CASZ1: variants seen among roughly 807,000 people sequenced by gnomAD.
The protein encoded by CASZ1 is castor zinc finger 1.
Under a neutral mutation model 135.2 loss-of-function variants are expected in CASZ1, and 28 were observed. The ratio of observed to expected loss-of-function variants is 0.21; its 90% CI spans 0.15 to 0.28. The LOEUF (loss-of-function observed/expected upper bound fraction) is 0.28, where lower values mean the gene tolerates loss of function less well. Among genes scored for constraint, CASZ1 ranks in the 10% least tolerant of loss-of-function variants. The pLI, the probability that CASZ1 is intolerant of heterozygous loss-of-function variation, is 1.00. For missense variants in CASZ1, 2,161 were observed against 2,453.3 expected (o/e 0.88, Z 2.52); for synonymous variants, 1,068 against 1,073.4 (o/e 0.99, Z 0.10).
At chr1:10,683,720 G>A (rs969717952) in intron 4 of CASZ1, among the ~76,000 whole-genome samples, 5 of 152,106 alleles carry the variant, frequency 3.3e-5, no homozygotes, top group African/African-American at 9.7e-5. Context: ...CCTCCCCTGC[G>A]GACAGATGGG....
Position 10,656,696 on chromosome 1 carries a change from A to G in CASZ1, c.1450T>C (p.Tyr484His), listed in dbSNP as rs144195827. The G allele has an allele frequency of 3.1e-5, 49 of 1,603,794 alleles. No homozygotes were observed. The highest frequency in any genetic ancestry group is 4.0e-5 in the Non-Finnish European group (47 of 1,176,190). The change falls in exon 8 of 21, where the codon TAC becomes CAC. Residue 484 changes from tyrosine to histidine, a missense_variant. Physicochemically the swap from Tyr to His is moderately conservative, Grantham distance 83. Transcript: ENST00000377022. ...SQHCGHIHCA[Y>H]QYREHYHCLD... Reference sequence around the variant, plus strand: ...CAGTGGTAGTGCTCGCGGTACTGGTAGGCACAGTGGATGTGGCCACAGTGC... The same window carrying G: ...CAGTGGTAGTGCTCGCGGTACTGGTGGGCACAGTGGATGTGGCCACAGTGC...
At chr1:10,681,004 G>A (rs1349888630) in intron 4 of CASZ1, among the ~76,000 whole-genome samples, 2 of 152,088 alleles carry the variant, frequency 1.3e-5, no homozygotes, top group African/African-American at 4.8e-5. Context: ...GGATTCAAGC[G>A]ATTCTCCTGC....
intron 1 of CASZ1, among the ~76,000 whole-genome samples, chr1:10,771,595 A>G (rs574534297): frequency 2.6e-5 from 4 of 152,136 alleles, no homozygotes; most frequent in Non-Finnish European, 4.4e-5. Flanking sequence ...GTAGACTTTT[A>G]AAATGGAGGC....
chr1:10,660,511 G>A lies in CASZ1; in HGVS notation c.531C>T (p.Tyr177=), dbSNP rs1395362341. ...ASGEASSLRD[Y]AASTMTEFLG... ...GGAACTCGGTCATGGTGGAGGCCGCGTAGTCCCGCAGCGAGGAGGCCTCTC... is the reference window on the plus strand; with the variant it reads ...GGAACTCGGTCATGGTGGAGGCCGCATAGTCCCGCAGCGAGGAGGCCTCTC... Residue 177 remains tyrosine (Y), a synonymous_variant, in exon 6 of 21, where the codon TAC becomes TAT. Transcript: ENST00000377022. The A allele has an allele frequency of 9.3e-6, 15 of 1,613,506 alleles. No individual in the cohort carries two copies. Among genetic ancestry groups the A allele is most frequent in the Admixed American group, 3.3e-5 (2 of 60,016 alleles).
intron 2 of CASZ1, among the ~76,000 whole-genome samples, chr1:10,737,313 G>A (rs1029764359): frequency 4.6e-5 from 7 of 152,154 alleles, no homozygotes; most frequent in South Asian, 2.1e-4. Context: ...CCTCACCCTC[G>A]TGGGCCCTCC....
At position 10,762,640 on chromosome 1, in the gene CASZ1, C is replaced by T. The variant is rs956086991; in HGVS notation, c.-233-1783G>A. On this transcript the variant is annotated intron_variant, in intron 1 of 20. Coordinates refer to ENST00000377022, the MANE Select transcript of CASZ1 (RefSeq NM_001079843.3). The surrounding 1 kb of genome is among the most constrained non-coding windows in gnomAD (Gnocchi z 4.1). ...CTCCATCTGCTGGGGGTCTCCACTCCAATATCCCATCAGAACGAACCCACC... is the reference window on the plus strand; with the variant it reads ...CTCCATCTGCTGGGGGTCTCCACTCTAATATCCCATCAGAACGAACCCACC... 5.3e-5 allele frequency among the ~76,000 whole-genome samples: 8 copies of T among 152,276 alleles called. No individual in the cohort carries two copies. The highest frequency in any genetic ancestry group is 1.9e-4 in the East Asian group (1 of 5,176).
At chr1:10,795,024 AAGAG>A (rs1190798041) in intron 1 of CASZ1, among the ~76,000 whole-genome samples, 1 of 151,996 alleles carries the variant, frequency 6.6e-6, no homozygotes, top group Non-Finnish European at 1.5e-5. Flanking sequence ...TGGCTTCGGA[AAGAG>A]AGAGAAAGAA....
At chr1:10,642,759 A>C in intron 20 of CASZ1, 100 bp downstream of exon 20, 1 of 1,367,918 alleles carries the variant, frequency 7.3e-7, no homozygotes. Context: ...TCCTCCTCGG[A>C]GGCCGCGTGC....
rs765938392 is a variant in CASZ1, at chr1:10,649,265, C to T, written c.3035+18G>A. On this transcript the variant is annotated intron_variant, in intron 14 of 20. Transcript: ENST00000377022. ...GGTGCGGGGGGACGATGGGTGGACG[C>T]GGCCAGCAGCCCCTCACCTGCGCAG... 21 of 1,601,800 alleles carry T rather than the reference C, an allele frequency of 1.3e-5. No individual in the cohort carries two copies. Among genetic ancestry groups the T allele is most frequent in the Middle Eastern group, 1.6e-4 (1 of 6,062 alleles).
intron 4 of CASZ1, among the ~76,000 whole-genome samples, chr1:10,678,211 T>A (rs1169106316): frequency 6.6e-6 from 1 of 152,128 alleles, no homozygotes; most frequent in Non-Finnish European, 1.5e-5. Flanking sequence ...CTGCAGCCCG[T>A]CTCCACAATC....
rs540284119 is a variant in CASZ1, at chr1:10,760,281, C to T, written c.-77+420G>A. ...GAACTACTGTCCAGCCCTTCTAAGA[C>T]GAAGTTCCAACCTAATGCTTAGATC... On this transcript the variant is annotated intron_variant, in intron 2 of 20. Transcript: ENST00000377022. Among the ~76,000 whole-genome samples the T allele has an allele frequency of 9.8e-5, 15 of 152,352 alleles. No individual in the cohort carries two copies. In the South Asian group the frequency reaches 2.7e-3, roughly 27 times the overall value.
At chr1:10,778,206 CACA>C (rs946587144) in intron 1 of CASZ1, among the ~76,000 whole-genome samples, 1 of 151,578 alleles carries the variant, frequency 6.6e-6, no homozygotes, top group African/African-American at 2.4e-5. Flanking sequence ...CACTCTCACA[CACA>C]ACCACAATCA....
chr1:10,693,756 G>GCCCCA, intron 4 of CASZ1, 118 bp downstream of exon 4: 1 of 482,652 alleles, frequency 2.1e-6, no homozygotes, highest in Non-Finnish European at 4.1e-6. Flanking sequence ...GCAGCCGCCC[G>GCCCCA]ACCCTCCCGG....
At chr1:10,702,338 A>G (rs2100435126) in intron 3 of CASZ1, among the ~76,000 whole-genome samples, 1 of 152,316 alleles carries the variant, frequency 6.6e-6, no homozygotes, top group East Asian at 1.9e-4. Context: ...ACTGGCTCAG[A>G]GGCCAGTGAA....
intron 15 of CASZ1, 155 bp from the exon 16 acceptor site, chr1:10,648,294 G>A: frequency 1.7e-6 from 1 of 593,494 alleles, no homozygotes; most frequent in East Asian, 3.0e-5. Flanking sequence ...CACCAGGACA[G>A]AAGGACTGGA....
At chr1:10,736,573 A>G (rs925916108) in intron 2 of CASZ1, among the ~76,000 whole-genome samples, 2 of 152,222 alleles carry the variant, frequency 1.3e-5, no homozygotes, top group Non-Finnish European at 2.9e-5. Context: ...AGATGAGTAC[A>G]TGGAGTCCAG....
chr1:10,675,383 T>C (rs943346719), intron 4 of CASZ1, among the ~76,000 whole-genome samples: 1 of 150,916 alleles, frequency 6.6e-6, no homozygotes, highest in African/African-American at 2.4e-5. Flanking sequence ...GAGGCAAGGC[T>C]GGCGGGAAGG....
Position 10,776,460 on chromosome 1 carries a change from C to G in CASZ1, c.-233-15603G>C, listed in dbSNP as rs1257925256. Among the ~76,000 whole-genome samples the G allele has an allele frequency of 6.6e-6, 1 of 152,234 alleles. No homozygotes were observed. Among genetic ancestry groups the G allele is most frequent in the East Asian group, 1.9e-4 (1 of 5,198 alleles). On this transcript the variant is annotated intron_variant, in intron 1 of 20. Transcript: ENST00000377022. This position sits in a 1 kb window ranked among gnomAD's most constrained non-coding sequence, Gnocchi z 4.1. ...TTGTCACAGGGTACCACTTCTCTCC[C>G]CTGCTTGTAATTGTCTCACGTCTTG...
intron 2 of CASZ1, among the ~76,000 whole-genome samples, chr1:10,749,245 T>C (rs901393262): frequency 2.0e-5 from 3 of 149,050 alleles, no homozygotes; most frequent in Admixed American, 6.7e-5. Context: ...CCTCCATCTT[T>C]CCCCCCTATT....
Sources: gnomAD v4.1 joint callset for allele counts (sites outside exome capture counted in the v4.1 genomes callset) on GRCh38, gnomAD v4.1.1 for gene constraint, Gnocchi (gnomAD v3.1) non-coding constraint, MANE v1.5 for transcripts, NCBI Gene and HGNC (gene_info 2026-07-23, HGNC 2026-07-21) for gene names.